Variants in PRDM9 observed in about 807,000 individuals in gnomAD.
The protein encoded by PRDM9 is PR/SET domain 9.
In PRDM9, 47 loss-of-function variants were observed where a neutral mutation model predicts 55.6. The ratio of observed to expected loss-of-function variants is 0.85; its 90% CI spans 0.67 to 1.08. The LOEUF (loss-of-function observed/expected upper bound fraction) is 1.08. Ranked by LOEUF, PRDM9 falls within the 50% of genes least tolerant of loss-of-function variation. The probability of loss-of-function intolerance (pLI) is 0.00; values close to 1 mark genes in which losing one functional copy is unlikely to be tolerated. For synonymous variants in PRDM9, 312 were observed against 375.7 expected, an observed-to-expected ratio of 0.83 and a Z score of 1.96; for missense variants, 867 against 1,040.3, an observed-to-expected ratio of 0.83 and a Z score of 2.29.
intron 5 of PRDM9, among the ~76,000 whole-genome samples, chr5:23,519,030 A>G (rs1739275190): frequency 6.6e-6 from 1 of 152,158 alleles, no homozygotes; most frequent in Non-Finnish European, 1.5e-5. Context: ...GGACTATGAG[A>G]TAATTTTCAT....
intron 8 of PRDM9, 91 bp from the exon 9 acceptor site, chr5:23,523,200 A>T: frequency 7.0e-7 from 1 of 1,427,492 alleles, no homozygotes; most frequent in Non-Finnish European, 9.9e-7. Context: ...GAAGCTATGC[A>T]GGCCCAAAGG....
chr5:23,513,497 C>T lies in PRDM9; in HGVS notation c.301+3470C>T, dbSNP rs549587512. ...CTTACGCTTCCACCATGTCATGATG[C>T]GGTTTGAAGCCCCTTGCAAGATGCC... On this transcript the variant is annotated intron_variant, in intron 4 of 10. Coordinates refer to ENST00000296682, the MANE Select transcript of PRDM9 (RefSeq NM_020227.4). 4.7e-4 allele frequency among the ~76,000 whole-genome samples: 71 copies of T among 152,178 alleles called. No individual in the cohort carries two copies. The South Asian group carries it at 0.011, about 24-fold the overall frequency.
chr5:23,507,741 T>G (rs1431403325), intron 1 of PRDM9, 29 bp downstream of exon 1: 1 of 152,002 alleles, frequency 6.6e-6, no homozygotes, highest in African/African-American at 2.4e-5. Context: ...ACCTTCAAAT[T>G]TTAGCTTGGG....
Position 23,510,230 on chromosome 5 carries a change from A to G in PRDM9, c.301+203A>G, listed in dbSNP as rs375115693. On this transcript the variant is annotated intron_variant, in intron 4 of 10. Coordinates refer to ENST00000296682, the MANE Select transcript of PRDM9 (RefSeq NM_020227.4). ...CCACTACGCCCAGCTAATTTTTTGT[A>G]AATTTTTTTTAGTAGAGATGGGGTT... Among the ~76,000 whole-genome samples, 10 of 151,404 alleles carry G rather than the reference A, an allele frequency of 6.6e-5. No homozygotes were observed. In the East Asian group the frequency reaches 1.9e-3, roughly 30 times the overall value.
chr5:23,524,572 T>C (rs369548668), intron 10 of PRDM9, 45 bp downstream of exon 10: 6 of 1,610,906 alleles, frequency 3.7e-6, no homozygotes, highest in Non-Finnish European at 5.1e-6. Context: ...AAAGAAAGAA[T>C]TATCCTAGAG....
intron 10 of PRDM9, 28 bp from the exon 11 acceptor site, chr5:23,526,205 T>A: frequency 6.2e-7 from 1 of 1,600,792 alleles, no homozygotes; most frequent in South Asian, 1.1e-5. Flanking sequence ...ACAAAACATC[T>A]ACCCTGACCA....
intron 9 of PRDM9, among the ~76,000 whole-genome samples, chr5:23,524,110 G>A (rs1357783120): frequency 6.6e-6 from 1 of 152,170 alleles, no homozygotes; most frequent in Admixed American, 6.6e-5. Context: ...ATTAGGCATG[G>A]CAGGGAAACA....
rs1225319688 is a variant in PRDM9, at chr5:23,509,463, C to A, written c.70-7C>A. Reference sequence around the variant, plus strand: ...AAATCACTGATGGAATCTGTTACTTCCTCTAGGTCAAAGATGCCTTCAAAG... The same window carrying A: ...AAATCACTGATGGAATCTGTTACTTACTCTAGGTCAAAGATGCCTTCAAAG... On this transcript the variant is annotated splice_polypyrimidine_tract_variant and splice_region_variant and intron_variant, in intron 2 of 10. Transcript: ENST00000296682. The A allele has an allele frequency of 6.2e-7, 1 of 1,614,134 alleles. No individual in the cohort carries two copies. Among genetic ancestry groups the A allele is most frequent in the Middle Eastern group, 1.6e-4 (1 of 6,062 alleles).
intron 4 of PRDM9, among the ~76,000 whole-genome samples, chr5:23,512,853 A>G (rs1223562969): frequency 6.6e-6 from 1 of 152,204 alleles, no homozygotes; most frequent in Non-Finnish European, 1.5e-5. Context: ...TACCTCATAT[A>G]CATGGAATCA....
At chr5:23,520,364 CAAAAAAAAAA>C (rs59333354) in intron 5 of PRDM9, among the ~76,000 whole-genome samples, 1 of 44,570 alleles carries the variant, frequency 2.2e-5, no homozygotes, top group Non-Finnish European at 4.4e-5. Flanking sequence ...GACTCCTTCT[CAAAAAAAAAA>C]AAAAAAAAAA....
At chr5:23,521,567 G>T (rs1308000299) in intron 6 of PRDM9, among the ~76,000 whole-genome samples, 1 of 152,090 alleles carries the variant, frequency 6.6e-6, no homozygotes, top group Non-Finnish European at 1.5e-5. Flanking sequence ...CAAACTCCTG[G>T]CCTCAAGAGA....
rs553295911 is a variant in PRDM9 at position 23,527,428 on chromosome 5, G to C, written c.2340G>C (p.Glu780Asp). 6.2e-7 allele frequency: 1 copy of C among 1,600,342 alleles called. No homozygotes were observed. Among genetic ancestry groups the C allele is most frequent in the South Asian group, 1.1e-5 (1 of 90,362 alleles). Residue 780 changes from glutamate (E) to aspartate (D), a missense_variant, in exon 11 of 11, where the codon GAG (glutamate) becomes GAC (aspartate). This residue lies in a region of PRDM9 where 92 missense variants were observed against 185.7 expected (regional missense o/e 0.50). Coordinates refer to ENST00000296682, the MANE Select transcript of PRDM9 (RefSeq NM_020227.4). Reference protein sequence around the residue: ...HTGEKPYVCRECGRGFRDKSN... With the variant: ...HTGEKPYVCRDCGRGFRDKSN... ...GGGAGAAGCCCTATGTCTGCAGGGA[G>C]TGTGGGCGGGGCTTTAGAGATAAGT...
Position 23,527,790 on chromosome 5 carries a change from C to A in PRDM9, c.*17C>A. 6.2e-7 allele frequency: 1 copy of A among 1,614,048 alleles called. No individual in the cohort carries two copies. The highest frequency in any genetic ancestry group is 8.5e-7 in the Non-Finnish European group (1 of 1,179,934). ...GATGAGTAAGTCATTAGTAATAAAA[C>A]CTCATCTCAATAGCCACAAAAAGAC... is the stretch of plus-strand genomic sequence containing the variant. On this transcript the variant is annotated 3_prime_UTR_variant, in exon 11 of 11. Transcript: ENST00000296682.
At chr5:23,524,586 T>C (rs1020617300) in intron 10 of PRDM9, 59 bp downstream of exon 10, 1 of 1,609,924 alleles carries the variant, frequency 6.2e-7, no homozygotes, top group African/African-American at 1.3e-5. Flanking sequence ...CCTAGAGAAT[T>C]TTCATGGTTT....
intron 9 of PRDM9, among the ~76,000 whole-genome samples, chr5:23,524,007 T>C (rs1172478242): frequency 6.6e-6 from 1 of 152,104 alleles, no homozygotes; most frequent in Non-Finnish European, 1.5e-5. Flanking sequence ...TAAAACAGAA[T>C]TAATTTAGAG....
At chr5:23,521,767 G>A (rs1739332373) in intron 6 of PRDM9, among the ~76,000 whole-genome samples, 1 of 152,174 alleles carries the variant, frequency 6.6e-6, no homozygotes, top group Non-Finnish European at 1.5e-5. Context: ...ATGGTAATCT[G>A]TAAAATGAGA....
At chr5:23,511,767 CA>C (rs1263340873) in intron 4 of PRDM9, among the ~76,000 whole-genome samples, 1 of 152,080 alleles carries the variant, frequency 6.6e-6, no homozygotes, top group East Asian at 1.9e-4. Context: ...ATCATCACAA[CA>C]AAAGAAGGAA....
intron 6 of PRDM9, among the ~76,000 whole-genome samples, chr5:23,521,402 A>G (rs1218622396): frequency 6.6e-6 from 1 of 152,184 alleles, no homozygotes; most frequent in African/African-American, 2.4e-5. Flanking sequence ...CAGTGGCGCA[A>G]TCTCGGTTCA....
At position 23,513,655 on chromosome 5, in the gene PRDM9, G is replaced by A. The variant is rs374227914; in HGVS notation, c.301+3628G>A. 1.1e-4 allele frequency among the ~76,000 whole-genome samples: 17 copies of A among 152,172 alleles called. No homozygotes were observed. The East Asian group carries it at 2.7e-3, about 24-fold the overall frequency. ...CTAGCACTTTGGTAGGCCGAGGCAG[G>A]TGGATCATGAGGTCAGGAGTTTGAG... On this transcript the variant is annotated intron_variant, in intron 4 of 10. Transcript: ENST00000296682.
Sources: gnomAD v4.1 joint callset for allele counts (sites outside exome capture counted in the v4.1 genomes callset) on GRCh38, gnomAD v4.1.1 for gene constraint, gnomAD v4.1.1 regional missense constraint, MANE v1.5 for transcripts, NCBI Gene and HGNC (gene_info 2026-07-23, HGNC 2026-07-21) for gene names.